SGCZ: variants seen among roughly 807,000 people sequenced by gnomAD.
The protein encoded by SGCZ is zeta-sarcoglycan.
A neutral mutation model predicts 41.3 loss-of-function variants in SGCZ; 40 were observed. The ratio of observed to expected loss-of-function variants is 0.97; its 90% CI spans 0.75 to 1.26. The LOEUF (loss-of-function observed/expected upper bound fraction) is 1.26. Among genes scored for constraint, SGCZ ranks in the 50% most tolerant of loss-of-function variants. The pLI, the probability that SGCZ is intolerant of heterozygous loss-of-function variation, is 0.00. For synonymous variants in SGCZ, 206 were observed against 137.5 expected (o/e 1.50, Z -3.49); for missense variants, 552 against 369.8 (o/e 1.49, Z -4.04).
At chr8:14,869,348 T>A (rs572908766) in intron 1 of SGCZ, among the ~76,000 whole-genome samples, 1 of 152,148 alleles carries the variant, frequency 6.6e-6, no homozygotes, top group Non-Finnish European at 1.5e-5. Context: ...CACATGATTA[T>A]CTCAATAGAT....
rs370635128 is a variant in SGCZ, at chr8:14,444,004, T to C, written c.234+110728A>G. On this transcript the variant is annotated intron_variant, in intron 2 of 7. Coordinates refer to ENST00000382080, the MANE Select transcript of SGCZ (RefSeq NM_139167.4). ...ACCCCATCAAAAAGTGGGTGAAGGATATGAACAGACGCTTCTCAAAAGAAG... is the reference window on the plus strand; with the variant it reads ...ACCCCATCAAAAAGTGGGTGAAGGACATGAACAGACGCTTCTCAAAAGAAG... Among the ~76,000 whole-genome samples the C allele has an allele frequency of 2.0e-3, 301 of 151,830 alleles. 2 individuals are homozygous for C. Among genetic ancestry groups the C allele is most frequent in the East Asian group, 9.6e-3 (49 of 5,116 alleles).
chr8:15,037,319 C>A (rs1043260487), intron 1 of SGCZ, among the ~76,000 whole-genome samples: 1 of 152,188 alleles, frequency 6.6e-6, no homozygotes, highest in Non-Finnish European at 1.5e-5. Context: ...TTTGGCATTT[C>A]TCTTTCCTGT....
intron 1 of SGCZ, among the ~76,000 whole-genome samples, chr8:14,834,712 T>G (rs898459663): frequency 6.6e-6 from 1 of 152,190 alleles, no homozygotes; most frequent in African/African-American, 2.4e-5. Flanking sequence ...CCAACTAATT[T>G]TGAAGAAGTC....
intron 1 of SGCZ, among the ~76,000 whole-genome samples, chr8:14,835,478 T>G (rs1398666728): frequency 6.6e-6 from 1 of 152,228 alleles, no homozygotes; most frequent in African/African-American, 2.4e-5. Flanking sequence ...GTTTTGGAAT[T>G]GAAGACTGTG....
chr8:14,748,064 C>G (rs971794875), intron 1 of SGCZ, among the ~76,000 whole-genome samples: 1 of 151,970 alleles, frequency 6.6e-6, no homozygotes, highest in African/African-American at 2.4e-5. Flanking sequence ...TGACTCTTAT[C>G]TCCAAAAGGT....
chr8:14,882,975 G>T (rs1191210941), intron 1 of SGCZ, among the ~76,000 whole-genome samples: 1 of 151,800 alleles, frequency 6.6e-6, no homozygotes, highest in Admixed American at 6.6e-5. Flanking sequence ...TAATTTTATT[G>T]ATTGCATCTC....
At chr8:15,157,491 CAAT>C (rs146704151) in intron 1 of SGCZ, among the ~76,000 whole-genome samples, 9,096 of 151,978 alleles carry the variant, frequency 0.06, 689 homozygotes, top group African/African-American at 0.18. Context: ...AGAACAACAA[CAAT>C]GACAACAAGA....
At chr8:14,664,137 G>C (rs950089245) in intron 1 of SGCZ, among the ~76,000 whole-genome samples, 1 of 152,144 alleles carries the variant, frequency 6.6e-6, no homozygotes, top group East Asian at 1.9e-4. Flanking sequence ...CCCAAATTCT[G>C]AAAATCTGAA....
intron 4 of SGCZ, among the ~76,000 whole-genome samples, chr8:14,204,030 G>A (rs1348339913): frequency 6.6e-6 from 1 of 151,908 alleles, no homozygotes; most frequent in East Asian, 1.9e-4. Context: ...ATGGAGAGGG[G>A]AGACAGCCTG....
At chr8:14,786,101 T>G (rs895562190) in intron 1 of SGCZ, among the ~76,000 whole-genome samples, 3 of 141,398 alleles carry the variant, frequency 2.1e-5, no homozygotes, top group Non-Finnish European at 3.0e-5. Context: ...AAAAATGAGA[T>G]TATTATTTTA....
At chr8:14,680,328 G>A (rs922700130) in intron 1 of SGCZ, among the ~76,000 whole-genome samples, 2 of 151,992 alleles carry the variant, frequency 1.3e-5, no homozygotes, top group African/African-American at 4.8e-5. Context: ...CACCAAAAGG[G>A]AACCCTAATG....
chr8:14,911,780 C>G (rs1238824582), intron 1 of SGCZ, among the ~76,000 whole-genome samples: 1 of 151,562 alleles, frequency 6.6e-6, no homozygotes, highest in Non-Finnish European at 1.5e-5. Context: ...CAATCTATTC[C>G]TTTCATTTAT....
rs569406043 is a variant in SGCZ, at chr8:14,519,912, C to T, written c.234+34820G>A. ...TTAACCTCTGGTAGAGTGGTTATGT[C>T]GTATCTCAATTTACCAACATAAACC... On this transcript the variant is annotated intron_variant, in intron 2 of 7. Coordinates refer to ENST00000382080, the MANE Select transcript of SGCZ (RefSeq NM_139167.4). Among the ~76,000 whole-genome samples the T allele has an allele frequency of 1.7e-3, 263 of 152,044 alleles. 1 individual carries two copies. The highest frequency in any genetic ancestry group is 6.1e-3 in the African/African-American group (251 of 41,486).
rs902802789 is a variant in SGCZ at position 14,961,567 on chromosome 8, TTACC to T, written c.39+276014_39+276017del. ...CTTATTATTTTTGTTAAACTCTTACTTACCTAATTTATAAATTAAACTTTATCAC... is the reference window on the plus strand; with the variant it reads ...CTTATTATTTTTGTTAAACTCTTACTTAATTTATAAATTAAACTTTATCAC... On this transcript the variant is annotated intron_variant, in intron 1 of 7. Transcript: ENST00000382080. Among the ~76,000 whole-genome samples, 14 of 152,174 alleles carry T rather than the reference TTACC, an allele frequency of 9.2e-5. 1 individual carries two copies.
At chr8:14,172,012 G>C (rs1804397871) in intron 4 of SGCZ, among the ~76,000 whole-genome samples, 1 of 152,006 alleles carries the variant, frequency 6.6e-6, no homozygotes, top group African/African-American at 2.4e-5. Flanking sequence ...AGTGTATATG[G>C]AATGCTTAGA....
At chr8:14,137,715 A>C (rs1159095954) in intron 5 of SGCZ, among the ~76,000 whole-genome samples, 6 of 152,156 alleles carry the variant, frequency 3.9e-5, no homozygotes, top group Non-Finnish European at 8.8e-5. Flanking sequence ...TGGTGTACCT[A>C]AAAGTGATGG....
chr8:14,580,036 A>G (rs1804836543), intron 1 of SGCZ, among the ~76,000 whole-genome samples: 1 of 152,234 alleles, frequency 6.6e-6, no homozygotes, highest in Non-Finnish European at 1.5e-5. Flanking sequence ...TGTTTGGCTG[A>G]AGGTTCATTC....
At chr8:14,923,120 G>C (rs536595594) in intron 1 of SGCZ, among the ~76,000 whole-genome samples, 1 of 152,094 alleles carries the variant, frequency 6.6e-6, no homozygotes, top group Non-Finnish European at 1.5e-5. Flanking sequence ...CTCCTGACAG[G>C]AAAAAGAAAC....
intron 1 of SGCZ, among the ~76,000 whole-genome samples, chr8:15,084,130 T>C (rs893274655): frequency 9.9e-5 from 15 of 152,200 alleles, no homozygotes; most frequent in Admixed American, 3.3e-4. Flanking sequence ...AAACAAGTAG[T>C]TCTGTTTTCA....
Sources: gnomAD v4.1 joint callset for allele counts (sites outside exome capture counted in the v4.1 genomes callset) on GRCh38, gnomAD v4.1.1 for gene constraint, MANE v1.5 for transcripts, NCBI Gene and HGNC (gene_info 2026-07-23, HGNC 2026-07-21) for gene names.